Variants in ENTREP2 observed in about 807,000 individuals in gnomAD.
ENTREP2 encodes the protein endosomal transmembrane epsin interactor 2, also known as protein ENTREP2.
At chr15:29,271,828 T>C in the ENTREP2 span, among the ~76,000 whole-genome samples, 2 of 152,166 alleles carry the variant, frequency 1.3e-5, no homozygotes, top group East Asian at 1.9e-4. Flanking sequence ...TGCAACTCGG[T>C]GTCTGAGAGA....
the ENTREP2 span, among the ~76,000 whole-genome samples, chr15:29,642,834 G>A: frequency 3.0e-3 from 453 of 152,066 alleles, no homozygotes; most frequent in African/African-American, 0.01. Flanking sequence ...GGATGATCTC[G>A]ATCTCTTGAC....
At chr15:29,586,470 A>G in the ENTREP2 span, among the ~76,000 whole-genome samples, 1 of 152,216 alleles carries the variant, frequency 6.6e-6, no homozygotes. Flanking sequence ...TATGTGAATT[A>G]TATTTCGTAA....
chr15:29,661,746 A>G, the ENTREP2 span, among the ~76,000 whole-genome samples: 5 of 152,170 alleles, frequency 3.3e-5, no homozygotes, highest in Admixed American at 6.5e-5. Flanking sequence ...CCACTTCATT[A>G]TTACTGTTTA....
At chr15:29,591,898 A>AAGAAGAAGG in the ENTREP2 span, among the ~76,000 whole-genome samples, 131 of 146,026 alleles carry the variant, frequency 9.0e-4, 1 homozygote, top group Non-Finnish European at 1.5e-3. Flanking sequence ...GAAGAAGAAG[A>AAGAAGAAGG]GAGAAAACAC....
At chr15:29,587,516 A>G in the ENTREP2 span, among the ~76,000 whole-genome samples, 1 of 152,172 alleles carries the variant, frequency 6.6e-6, no homozygotes, top group African/African-American at 2.4e-5. Context: ...GTTTATAATC[A>G]TATGTTTTAA....
the ENTREP2 span, among the ~76,000 whole-genome samples, chr15:29,655,166 A>T: frequency 6.6e-6 from 1 of 152,174 alleles, no homozygotes. Flanking sequence ...CCAATTCTTC[A>T]TCCCTCCAGT....
the ENTREP2 span, among the ~76,000 whole-genome samples, chr15:29,119,340 A>G: frequency 1.9e-4 from 2 of 10,478 alleles, 1 homozygote; most frequent in Non-Finnish European, 2.4e-3. Context: ...TCAGTAAACT[A>G]TCGCAAGAAC....
chr15:29,642,838 T>G, the ENTREP2 span, among the ~76,000 whole-genome samples: 1 of 152,090 alleles, frequency 6.6e-6, no homozygotes, highest in Admixed American at 6.6e-5. Flanking sequence ...GATCTCGATC[T>G]CTTGACCTTG....
chr15:29,188,331 G>A, the ENTREP2 span, among the ~76,000 whole-genome samples: 2 of 152,098 alleles, frequency 1.3e-5, no homozygotes, highest in African/African-American at 4.8e-5. Context: ...TGCCATGGTG[G>A]TTTGCTGCAC....
At chr15:29,265,153 T>C in the ENTREP2 span, 1 of 152,162 alleles carries the variant, frequency 6.6e-6, no homozygotes, top group Non-Finnish European at 1.5e-5. Flanking sequence ...AAAAAAACTC[T>C]TAACAGCAAA....
At chr15:29,662,079 T>A in the ENTREP2 span, among the ~76,000 whole-genome samples, 1 of 151,396 alleles carries the variant, frequency 6.6e-6, no homozygotes, top group East Asian at 1.9e-4. Flanking sequence ...GGAGTGGTGG[T>A]GGGTGCCTAA....
chr15:29,648,259 T>C, the ENTREP2 span, among the ~76,000 whole-genome samples: 1 of 152,242 alleles, frequency 6.6e-6, no homozygotes, highest in Non-Finnish European at 1.5e-5. Flanking sequence ...GTTTTCTTCC[T>C]TGTTATGTGC....
the ENTREP2 span, among the ~76,000 whole-genome samples, chr15:29,372,151 A>G: frequency 6.6e-6 from 1 of 152,206 alleles, no homozygotes; most frequent in Non-Finnish European, 1.5e-5. Context: ...TGGACTGCAT[A>G]GGTCCACTTA....
chr15:29,596,729 A>G, the ENTREP2 span, among the ~76,000 whole-genome samples: 1 of 151,748 alleles, frequency 6.6e-6, no homozygotes, highest in African/African-American at 2.4e-5. Flanking sequence ...GTGCAGTGGT[A>G]TGATCTCAGC....
At chr15:29,506,312 G>A in the ENTREP2 span, among the ~76,000 whole-genome samples, 1 of 152,124 alleles carries the variant, frequency 6.6e-6, no homozygotes, top group South Asian at 2.1e-4. Context: ...GGGGAGAATG[G>A]AACCAAGTTG....
At chr15:29,271,644 G>A in the ENTREP2 span, among the ~76,000 whole-genome samples, 1 of 151,912 alleles carries the variant, frequency 6.6e-6, no homozygotes, top group Non-Finnish European at 1.5e-5. Context: ...TCTGACCACC[G>A]GTGCATGTAG....
the ENTREP2 span, among the ~76,000 whole-genome samples, chr15:29,591,645 G>T: frequency 6.6e-6 from 1 of 152,004 alleles, no homozygotes; most frequent in African/African-American, 2.4e-5. Flanking sequence ...TGCAATCCCA[G>T]CACTTTGAGA....
the ENTREP2 span, among the ~76,000 whole-genome samples, chr15:29,477,814 C>T: frequency 6.6e-6 from 1 of 151,748 alleles, no homozygotes; most frequent in African/African-American, 2.4e-5. Flanking sequence ...TGAGCGTTCC[C>T]GAGGTGCACG....
chr15:29,615,620 C>T, the ENTREP2 span, among the ~76,000 whole-genome samples: 1 of 152,120 alleles, frequency 6.6e-6, no homozygotes, highest in East Asian at 1.9e-4. Context: ...GTGTGTTCCC[C>T]CACCTAAATG....
Sources: allele counts gnomAD v4.1 joint callset (sites outside exome capture counted in the v4.1 genomes callset), GRCh38; gene constraint gnomAD v4.1.1; transcripts MANE v1.5; gene names NCBI Gene and HGNC (gene_info 2026-07-23, HGNC 2026-07-21).